Variants in RGS17 observed in about 807,000 individuals in gnomAD.
RGS17 encodes the protein regulator of G protein signaling 17.
In RGS17, 12 loss-of-function variants were observed where a neutral mutation model predicts 25.5. The observed-to-expected ratio is 0.47, with a 90% CI of 0.30 to 0.76. The LOEUF is 0.76. Ranked by LOEUF, RGS17 falls within the 30% of genes least tolerant of loss-of-function variation. The pLI is 0.07. For synonymous variants in RGS17, 71 were observed against 76.9 expected (o/e 0.92, Z 0.40); for missense variants, 196 against 242.2 (o/e 0.81, Z 1.27).
chr6:153,085,875 CTTTA>C (rs1777046574), intron 1 of RGS17, among the ~76,000 whole-genome samples: 1 of 152,058 alleles, frequency 6.6e-6, no homozygotes, highest in African/African-American at 2.4e-5. Context: ...ATTTAAATGA[CTTTA>C]TTTAAAGAGA....
intron 2 of RGS17, among the ~76,000 whole-genome samples, chr6:153,043,679 C>A (rs532434181): frequency 6.6e-6 from 1 of 151,818 alleles, no homozygotes; most frequent in African/African-American, 2.4e-5. Flanking sequence ...ATTTTTTTTA[C>A]CTTATTATCA....
At chr6:153,114,979 A>G (rs1461487825) in intron 1 of RGS17, among the ~76,000 whole-genome samples, 1 of 152,210 alleles carries the variant, frequency 6.6e-6, no homozygotes, top group Non-Finnish European at 1.5e-5. Context: ...TATCATACTG[A>G]ATGGGCAAAA....
chr6:153,054,092 T>G lies in RGS17; in HGVS notation c.-25-10049A>C, dbSNP rs190959981. ...CATATATATATACACACAATATTTT[T>G]TATATATATATATATATATATGTGT... is the stretch of plus-strand genomic sequence containing the variant. On this transcript the variant is annotated intron_variant, in intron 1 of 4. Transcript: ENST00000206262. Among the ~76,000 whole-genome samples, 119 of 42,086 alleles carry G rather than the reference T, an allele frequency of 2.8e-3. 13 individuals are homozygous for G. The highest frequency in any genetic ancestry group is 0.011 in the African/African-American group (97 of 8,638). 27.6% of individuals were successfully genotyped at this position (42,086 alleles called of 152,430 possible). A position where few individuals can be genotyped will look rare whatever the true frequency, so the allele number is the denominator to read the frequency against.
At chr6:153,082,454 TA>T (rs2129119614) in intron 1 of RGS17, among the ~76,000 whole-genome samples, 1 of 152,300 alleles carries the variant, frequency 6.6e-6, no homozygotes, top group South Asian at 2.1e-4. Flanking sequence ...CAATTATCAC[TA>T]AATCTTCCAT....
At chr6:153,064,438 G>C (rs1410156415) in intron 1 of RGS17, among the ~76,000 whole-genome samples, 1 of 152,118 alleles carries the variant, frequency 6.6e-6, no homozygotes. Context: ...AGACCATCCT[G>C]GCTAACATGG....
chr6:153,043,982 G>T lies in RGS17; in HGVS notation c.37C>A (p.Pro13Thr). 6.2e-7 allele frequency: 1 copy of T among 1,612,916 alleles called. No homozygotes were observed. The highest frequency in any genetic ancestry group is 8.5e-7 in the Non-Finnish European group (1 of 1,179,422). The change falls in exon 2 of 5, where the codon CCT (proline) becomes ACT (threonine). Residue 13 changes from proline to threonine, a missense_variant. Coordinates refer to ENST00000206262, the MANE Select transcript of RGS17 (RefSeq NM_012419.5). ...TTTCCAGGAGCTTGAGACACGGCAG[G>T]TGTTCCTTCATTTTGGGACTGCTGC... ...KRQQSQNEGT[P>T]AVSQAPGNQR...
chr6:153,031,970 G>A (rs1451791041), intron 2 of RGS17, among the ~76,000 whole-genome samples: 6 of 152,166 alleles, frequency 3.9e-5, no homozygotes, highest in African/African-American at 1.2e-4. Flanking sequence ...GACTGCAGAC[G>A]GTGTTGCTAT....
intron 1 of RGS17, among the ~76,000 whole-genome samples, chr6:153,052,447 T>C (rs997146803): frequency 3.9e-5 from 6 of 152,258 alleles, no homozygotes; most frequent in Admixed American, 2.0e-4. Context: ...TACTGTAGTT[T>C]GGAAGCACAT....
rs549065277 is a variant in RGS17, at chr6:153,008,351, A to G, written c.*3223T>C. The G allele has an allele frequency of 3.9e-5, 6 of 151,994 alleles. No homozygotes were observed. The East Asian group carries it at 5.8e-4, about 15-fold the overall frequency. 9.4% of individuals were successfully genotyped at this position (151,994 alleles called of 1,614,324 possible). On this transcript the variant is annotated 3_prime_UTR_variant, in exon 5 of 5. Transcript: ENST00000206262. The stretch of plus-strand genomic sequence containing the variant: ...TTTCAAAAAAAAAAAACATCACATT[A>G]TGGTCTTGACTTCTGCATTTCGTAA...
At chr6:153,094,771 T>C (rs1041684464) in intron 1 of RGS17, among the ~76,000 whole-genome samples, 1 of 152,204 alleles carries the variant, frequency 6.6e-6, no homozygotes, top group Non-Finnish European at 1.5e-5. Flanking sequence ...TTTCCCTTCC[T>C]CATTTACACA....
chr6:153,091,475 ATT>A (rs35909335), intron 1 of RGS17, among the ~76,000 whole-genome samples: 4 of 145,732 alleles, frequency 2.7e-5, no homozygotes, highest in Non-Finnish European at 3.0e-5. Flanking sequence ...TACTTTACAG[ATT>A]TTTTTTTTTT....
At chr6:153,034,810 A>G (rs1395547667) in intron 2 of RGS17, among the ~76,000 whole-genome samples, 1 of 152,182 alleles carries the variant, frequency 6.6e-6, no homozygotes, top group African/African-American at 2.4e-5. Context: ...CTGTTCCACT[A>G]TTACGATGGA....
intron 1 of RGS17, among the ~76,000 whole-genome samples, chr6:153,106,399 G>A (rs1224096030): frequency 1.3e-5 from 2 of 151,704 alleles, no homozygotes; most frequent in African/African-American, 4.8e-5. Context: ...ACACAGAAGT[G>A]GCAAAAGAGA....
At chr6:153,109,236 T>G (rs2129125001) in intron 1 of RGS17, among the ~76,000 whole-genome samples, 1 of 152,350 alleles carries the variant, frequency 6.6e-6, no homozygotes, top group Admixed American at 6.5e-5. Context: ...GAATGACAGT[T>G]CACTGTTCTG....
chr6:153,024,586 A>G (rs1364779380), intron 3 of RGS17, 90 bp from the exon 4 acceptor site: 3 of 959,920 alleles, frequency 3.1e-6, no homozygotes, highest in Non-Finnish European at 4.8e-6. Flanking sequence ...TAGAAATTCT[A>G]TCAATTTGCT....
At position 153,015,631 on chromosome 6, in the gene RGS17, T is replaced by G. The variant is rs17340086; in HGVS notation, c.445-3869A>C. On this transcript the variant is annotated intron_variant, in intron 4 of 4. Coordinates refer to ENST00000206262, the MANE Select transcript of RGS17 (RefSeq NM_012419.5). Reference sequence around the variant, plus strand: ...TGCTATGCTATTGCCAAGTATTGTTTATACTATGACTACAGTATAGTATAT... The same window carrying G: ...TGCTATGCTATTGCCAAGTATTGTTGATACTATGACTACAGTATAGTATAT... Among the ~76,000 whole-genome samples, 1,273 of 152,286 alleles carry G rather than the reference T, an allele frequency of 8.4e-3. 17 individuals are homozygous for G. Among genetic ancestry groups the G allele is most frequent in the African/African-American group, 0.029 (1,214 of 41,556 alleles).
At chr6:153,072,982 T>C (rs1209811188) in intron 1 of RGS17, among the ~76,000 whole-genome samples, 1 of 152,052 alleles carries the variant, frequency 6.6e-6, no homozygotes, top group African/African-American at 2.4e-5. Flanking sequence ...CTTTACAAAC[T>C]CAGAAAATCA....
At position 153,130,686 on chromosome 6, in the gene RGS17, C is replaced by T. The variant is rs1336157102; in HGVS notation, c.-26+438G>A. ...GATGGCACATTCTCCTCGTTCCCAA[C>T]CAACCGCACAAAACCCGCAACACCT... On this transcript the variant is annotated intron_variant, in intron 1 of 4. Transcript: ENST00000206262. This position sits in a 1 kb window ranked among gnomAD's most constrained non-coding sequence, Gnocchi z 6.4. Among the ~76,000 whole-genome samples the T allele has an allele frequency of 6.6e-6, 1 of 152,174 alleles. No homozygotes were observed. Among genetic ancestry groups the T allele is most frequent in the Non-Finnish European group, 1.5e-5 (1 of 68,026 alleles).
intron 1 of RGS17, among the ~76,000 whole-genome samples, chr6:153,121,511 T>C (rs1343823530): frequency 6.6e-6 from 1 of 152,184 alleles, no homozygotes; most frequent in Admixed American, 6.6e-5. Context: ...CTCTTAAAAA[T>C]AATCTCAGTG....
Sources: gnomAD v4.1 joint callset for allele counts (sites outside exome capture counted in the v4.1 genomes callset) on GRCh38, gnomAD v4.1.1 for gene constraint, Gnocchi (gnomAD v3.1) non-coding constraint, MANE v1.5 for transcripts, NCBI Gene and HGNC (gene_info 2026-07-23, HGNC 2026-07-21) for gene names.